The following BRAF variants were observed in gnomAD, a reference collection of about 807,000 sequenced individuals.
BRAF encodes the protein B-Raf proto-oncogene, serine/threonine kinase, also known as serine/threonine-protein kinase B-raf.
BRAF carries 16 observed loss-of-function variants against 104.6 expected under a neutral mutation model. The observed-to-expected ratio is 0.15, with a 90% CI of 0.10 to 0.23. The LOEUF (loss-of-function observed/expected upper bound fraction) is 0.23. Among genes scored for constraint, BRAF ranks in the 10% least tolerant of loss-of-function variants. The probability of loss-of-function intolerance (pLI) is 1.00; values close to 1 mark genes in which losing one functional copy is unlikely to be tolerated. For missense variants in BRAF, 541 were observed against 937.3 expected (o/e 0.58, Z 5.52); for synonymous variants, 310 against 341.6 (o/e 0.91, Z 1.02).
chr7:140,849,491 T>G (rs1445896978), intron 2 of BRAF, among the ~76,000 whole-genome samples: 1 of 150,082 alleles, frequency 6.7e-6, no homozygotes, highest in Non-Finnish European at 1.5e-5. Context: ...TTTGCTGAGC[T>G]CCAAAACTGT....
intron 1 of BRAF, among the ~76,000 whole-genome samples, chr7:140,882,653 C>T (rs906793994): frequency 9.4e-5 from 14 of 149,726 alleles, no homozygotes; most frequent in Non-Finnish European, 1.3e-4. Context: ...GCTGGGATTA[C>T]AGGCATGAGC....
rs1267610 is a variant in BRAF at position 140,826,083 on chromosome 7, C to G, written c.504+8526G>C. 5.8e-3 allele frequency among the ~76,000 whole-genome samples: 879 copies of G among 152,062 alleles called. 7 individuals carry two copies. The highest frequency in any genetic ancestry group is 9.3e-3 in the Non-Finnish European group (631 of 67,948). On this transcript the variant is annotated intron_variant, in intron 3 of 19. Transcript: ENST00000644969. ...TATATTTTCTATAACTCTCTTTCTTCACTTTCCAGAGTTCACTAATTCATT... is the reference window on the plus strand; with the variant it reads ...TATATTTTCTATAACTCTCTTTCTTGACTTTCCAGAGTTCACTAATTCATT...
intron 14 of BRAF, among the ~76,000 whole-genome samples, chr7:140,764,025 G>A (rs539662657): frequency 6.6e-6 from 1 of 152,172 alleles, no homozygotes; most frequent in African/African-American, 2.4e-5. Flanking sequence ...TATCCTTGAT[G>A]AACATTGATG....
Position 140,723,196 on chromosome 7 carries a change from G to A in BRAF, c.*3298C>T. The A allele has an allele frequency of 9.5e-7, 1 of 1,054,752 alleles. No individual in the cohort carries two copies. The highest frequency in any genetic ancestry group is 1.1e-6 in the Non-Finnish European group (1 of 872,810). The allele number at this position is 1,054,752 out of a possible 1,614,324, so 65.3% of individuals were successfully genotyped here. A position where few individuals can be genotyped will look rare whatever the true frequency, so the allele number is the denominator to read the frequency against. On this transcript the variant is annotated 3_prime_UTR_variant, in exon 20 of 20. Transcript: ENST00000644969. ...AGTGGGGACAGGTGAGATCTGAGGA[G>A]GATGTGCAGCAGCTCGCACTCCGCC...
At chr7:140,788,748 C>G (rs1801645207) in intron 8 of BRAF, among the ~76,000 whole-genome samples, 1 of 152,060 alleles carries the variant, frequency 6.6e-6, no homozygotes, top group Non-Finnish European at 1.5e-5. Flanking sequence ...ACCACCATGC[C>G]TGGCTAATTT....
At chr7:140,776,665 C>T (rs1800366120) in intron 14 of BRAF, among the ~76,000 whole-genome samples, 2 of 152,182 alleles carry the variant, frequency 1.3e-5, no homozygotes, top group Admixed American at 1.3e-4. Context: ...AGCTCAATCA[C>T]TGAGTGCTAA....
chr7:140,909,656 TA>T (rs1816746879), intron 1 of BRAF, among the ~76,000 whole-genome samples: 1 of 152,174 alleles, frequency 6.6e-6, no homozygotes, highest in African/African-American at 2.4e-5. Context: ...GTACTCCTGA[TA>T]AAGTTCTGAA....
At chr7:140,799,776 G>A (rs1329718257) in intron 7 of BRAF, 2 of 236,418 alleles carry the variant, frequency 8.5e-6, no homozygotes, top group East Asian at 6.1e-5. Context: ...ATCATAAATT[G>A]TAGATTATAA....
At chr7:140,827,770 A>G (rs1304949613) in intron 3 of BRAF, among the ~76,000 whole-genome samples, 1 of 152,232 alleles carries the variant, frequency 6.6e-6, no homozygotes, top group African/African-American at 2.4e-5. Flanking sequence ...GAGGTTCTGT[A>G]GATTACACTG....
At chr7:140,750,734 T>C (rs1191178945) in intron 16 of BRAF, among the ~76,000 whole-genome samples, 1 of 152,132 alleles carries the variant, frequency 6.6e-6, no homozygotes, top group Non-Finnish European at 1.5e-5. Flanking sequence ...GGCAAAGGTA[T>C]AATGTTCAAA....
chr7:140,728,136 C>CT (rs1795716458), intron 19 of BRAF, among the ~76,000 whole-genome samples: 1 of 152,148 alleles, frequency 6.6e-6, no homozygotes, highest in Admixed American at 6.5e-5. Flanking sequence ...TAGTGACTGA[C>CT]TGAGTGCCTG....
chr7:140,765,833 C>G (rs1393891118), intron 14 of BRAF, among the ~76,000 whole-genome samples: 2 of 151,274 alleles, frequency 1.3e-5, no homozygotes, highest in Non-Finnish European at 2.9e-5. Context: ...GAAATAGGAA[C>G]ACTTTTACAC....
rs961512812 is a variant in BRAF, at chr7:140,725,851, T to C, written c.*643A>G. On this transcript the variant is annotated 3_prime_UTR_variant, in exon 20 of 20. Coordinates refer to ENST00000644969, the MANE Select transcript of BRAF (RefSeq NM_001374258.1). ...GAGACCCCGGAGGTCAGGAAGAAGATGCAGCATGCCCTTTTCCTCCATACC... is the reference window on the plus strand; with the variant it reads ...GAGACCCCGGAGGTCAGGAAGAAGACGCAGCATGCCCTTTTCCTCCATACC... The C allele has an allele frequency of 2.8e-6, 3 of 1,063,194 alleles. No individual in the cohort carries two copies. Among genetic ancestry groups the C allele is most frequent in the Non-Finnish European group, 3.4e-6 (3 of 878,044 alleles). 65.9% of individuals were successfully genotyped at this position (1,063,194 alleles called of 1,614,324 possible).
At chr7:140,913,349 C>T (rs959916764) in intron 1 of BRAF, among the ~76,000 whole-genome samples, 1 of 151,802 alleles carries the variant, frequency 6.6e-6, no homozygotes, top group Non-Finnish European at 1.5e-5. Flanking sequence ...CACTACCTGG[C>T]ATATAGTAGG....
downstream of BRAF, among the ~76,000 whole-genome samples, chr7:140,718,376 G>A (rs1795183195): frequency 6.6e-6 from 1 of 152,218 alleles, no homozygotes; most frequent in Non-Finnish European, 1.5e-5. Flanking sequence ...TCAGCCTCCT[G>A]AGTAGCTGGA....
chr7:140,836,996 T>C (rs1016885704), intron 2 of BRAF, among the ~76,000 whole-genome samples: 2 of 152,218 alleles, frequency 1.3e-5, no homozygotes, highest in Non-Finnish European at 2.9e-5. Flanking sequence ...TTTTTGAAAG[T>C]ATACTGATCC....
chr7:140,764,744 A>T (rs1799134531), intron 14 of BRAF, among the ~76,000 whole-genome samples: 1 of 152,240 alleles, frequency 6.6e-6, no homozygotes, highest in African/African-American at 2.4e-5. Flanking sequence ...CTTACAAGGG[A>T]TGTGAAGGAC....
chr7:140,909,063 T>C (rs1816669554), intron 1 of BRAF, among the ~76,000 whole-genome samples: 1 of 150,860 alleles, frequency 6.6e-6, no homozygotes, highest in Admixed American at 6.6e-5. Context: ...AGTCTTCCAA[T>C]ACTGAAAACA....
intron 2 of BRAF, among the ~76,000 whole-genome samples, chr7:140,839,946 C>T (rs1367234728): frequency 6.6e-6 from 1 of 152,020 alleles, no homozygotes; most frequent in African/African-American, 2.4e-5. Context: ...GTATTTTTGC[C>T]CATGAAGCCA....
Sources: allele counts gnomAD v4.1 joint callset (sites outside exome capture counted in the v4.1 genomes callset), GRCh38; gene constraint gnomAD v4.1.1; transcripts MANE v1.5; gene names NCBI Gene and HGNC (gene_info 2026-07-23, HGNC 2026-07-21).